The following NAA38 variants were observed in gnomAD, a reference collection of about 807,000 sequenced individuals.
The protein encoded by NAA38 is N-alpha-acetyltransferase 38, NatC auxiliary subunit.
A neutral mutation model predicts 12.6 loss-of-function variants in NAA38; 15 were observed. The observed-to-expected ratio is 1.19, with a 90% confidence interval of 0.79 to 1.83. NAA38 has a LOEUF of 1.83. Ranked by LOEUF, NAA38 falls within the 40% of genes most tolerant of loss-of-function variation. NAA38 has a pLI of 0.00. For synonymous variants in NAA38, 88 were observed against 69.9 expected (o/e 1.26, Z -1.29); for missense variants, 183 against 171.7 (o/e 1.07, Z -0.37).
At chr17:7,880,826 T>C (rs772620749) in intron 2 of NAA38, among the ~76,000 whole-genome samples, 12 of 152,094 alleles carry the variant, frequency 7.9e-5, no homozygotes, top group Admixed American at 5.9e-4. Context: ...CCATGCAGAG[T>C]AGACTACATT....
chr17:7,858,204 G>C, upstream of NAA38: 2 of 1,613,980 alleles, frequency 1.2e-6, no homozygotes, highest in Non-Finnish European at 1.7e-6. Context: ...CACGCCGGCG[G>C]AGGTGGCCCA....
At chr17:7,858,407 C>G, upstream of NAA38, 1 of 1,614,132 alleles carries the variant, frequency 6.2e-7, no homozygotes, top group African/African-American at 1.3e-5. Context: ...TTCAAGGGAA[C>G]CTGCTGCTGA....
intron 1 of NAA38, among the ~76,000 whole-genome samples, chr17:7,883,994 CT>C (rs1345809207): frequency 6.6e-6 from 1 of 151,972 alleles, no homozygotes; most frequent in Non-Finnish European, 1.5e-5. Context: ...AATGCCCCCC[CT>C]CAAATATTTT....
intron 2 of NAA38, among the ~76,000 whole-genome samples, chr17:7,870,058 A>G (rs994423403): frequency 2.6e-5 from 4 of 152,178 alleles, no homozygotes; most frequent in Admixed American, 6.5e-5. Context: ...GGTTTTTGCC[A>G]TTTTGTATAG....
At chr17:7,858,500 G>T, upstream of NAA38, 1 of 1,614,172 alleles carries the variant, frequency 6.2e-7, no homozygotes, top group South Asian at 1.1e-5. Context: ...CTGGAACCTG[G>T]GATTGTGGGT....
intron 2 of NAA38, among the ~76,000 whole-genome samples, chr17:7,874,350 A>G (rs1967137083): frequency 6.6e-6 from 1 of 152,196 alleles, no homozygotes; most frequent in African/African-American, 2.4e-5. Context: ...GTCTCTGGAA[A>G]TAAGGGGATC....
chr17:7,884,879 G>A (rs1967499547), intron 1 of NAA38: 2 of 1,328,538 alleles, frequency 1.5e-6, no homozygotes, highest in African/African-American at 1.5e-5. Context: ...AGAAGAGGAG[G>A]AAGAAGAGGG....
chr17:7,859,540 T>C, upstream of NAA38: 2 of 1,614,172 alleles, frequency 1.2e-6, no homozygotes, highest in Non-Finnish European at 8.5e-7. Context: ...AATTTGACTA[T>C]CTCAGTATGG....
upstream of NAA38, chr17:7,857,688 C>G: frequency 2.3e-6 from 3 of 1,319,986 alleles, no homozygotes; most frequent in Non-Finnish European, 1.9e-6. Context: ...TATCGCGAGA[C>G]CTTTACCTCT....
At chr17:7,858,674 C>T (rs373359113), upstream of NAA38, 57 of 1,610,976 alleles carry the variant, frequency 3.5e-5, no homozygotes, top group African/African-American at 5.9e-4. Context: ...GCTTTGTGCA[C>T]GTTCCGCCTC....
chr17:7,877,124 C>A, intron 2 of NAA38: 1 of 341,166 alleles, frequency 2.9e-6, no homozygotes, highest in Non-Finnish European at 5.8e-6. Context: ...CATTTGGCTC[C>A]AGTTGCTAAC....
upstream of NAA38, chr17:7,858,505 G>A: frequency 1.2e-6 from 2 of 1,614,176 alleles, no homozygotes; most frequent in Non-Finnish European, 1.7e-6. Flanking sequence ...ACCTGGGATT[G>A]TGGGTAGAGG....
chr17:7,857,768 G>T (rs1375495542), upstream of NAA38: 7 of 1,273,096 alleles, frequency 5.5e-6, no homozygotes, highest in Non-Finnish European at 6.9e-6. Flanking sequence ...CTCCTCCCTT[G>T]TTTTTCTGTC....
chr17:7,881,061 A>C (rs1375904229), intron 2 of NAA38, among the ~76,000 whole-genome samples: 1 of 152,164 alleles, frequency 6.6e-6, no homozygotes, highest in Non-Finnish European at 1.5e-5. Flanking sequence ...ACAGCAAAAC[A>C]CAAGCAAAAG....
chr17:7,879,761 A>G (rs1967237999), intron 2 of NAA38, among the ~76,000 whole-genome samples: 1 of 152,172 alleles, frequency 6.6e-6, no homozygotes, highest in Non-Finnish European at 1.5e-5. Context: ...CCACAATGAA[A>G]GTGACAGGCA....
chr17:7,859,120 T>C, upstream of NAA38: 1 of 574,760 alleles, frequency 1.7e-6, no homozygotes, highest in East Asian at 2.9e-5. Context: ...CAATTGGACT[T>C]TCTTTTTAAT....
At chr17:7,865,306 T>C (rs1966944644) in intron 3 of NAA38, 1 of 152,216 alleles carries the variant, frequency 6.6e-6, no homozygotes, top group African/African-American at 2.4e-5. Context: ...ATACAACTAA[T>C]GAGTACCAAG....
chr17:7,868,433 A>T (rs1208021211), intron 2 of NAA38, among the ~76,000 whole-genome samples: 1 of 152,236 alleles, frequency 6.6e-6, no homozygotes, highest in Non-Finnish European at 1.5e-5. Flanking sequence ...GAAGAAATCT[A>T]ACTGCAGAAA....
chr17:7,856,748 C>G lies in NAA38; in HGVS notation c.361G>C (p.Gly121Arg). The G allele has an allele frequency of 6.2e-7, 1 of 1,613,934 alleles. No homozygotes were observed. Among genetic ancestry groups the G allele is most frequent in the Non-Finnish European group, 8.5e-7 (1 of 1,179,924 alleles). ...SIEVQRESLTGPPYL is the reference protein window; with the variant it reads ...SIEVQRESLTRPPYL ...CATCGTGGTCAGAGATACGGAGGCC[C>G]GGTCAGACTCTCCCTCTGCACCTCA... Residue 121 changes from glycine (G) to arginine (R), a missense_variant, in exon 3 of 3, where the codon GGG (glycine) becomes CGG (arginine). Physicochemically the swap from Gly to Arg is moderately radical, Grantham distance 125. Coordinates refer to ENST00000575771, the MANE Select transcript of NAA38 (RefSeq NM_001320925.4).
Sources: allele counts gnomAD v4.1 joint callset (sites outside exome capture counted in the v4.1 genomes callset), GRCh38; gene constraint gnomAD v4.1.1; transcripts MANE v1.5; gene names NCBI Gene and HGNC (gene_info 2026-07-23, HGNC 2026-07-21).